The following RIMS4 variants were observed in gnomAD, a reference collection of about 807,000 sequenced individuals.
RIMS4 encodes regulating synaptic membrane exocytosis 4, also known as regulating synaptic membrane exocytosis protein 4.
A neutral mutation model predicts 29.0 loss-of-function variants in RIMS4; 9 were observed. The observed-to-expected ratio is 0.31, with a 90% CI of 0.19 to 0.54. RIMS4 has a LOEUF of 0.54. Ranked by LOEUF, RIMS4 falls within the 20% of genes least tolerant of loss-of-function variation. The pLI is 0.94. For synonymous variants in RIMS4, 130 were observed against 152.9 expected (o/e 0.85, Z 1.10); for missense variants, 193 against 365.7 (o/e 0.53, Z 3.85).
At chr20:44,759,696 CCTCT>C (rs1256129028) in intron 2 of RIMS4, among the ~76,000 whole-genome samples, 1 of 152,242 alleles carries the variant, frequency 6.6e-6, no homozygotes, top group Non-Finnish European at 1.5e-5. Flanking sequence ...CCAATCAAAA[CCTCT>C]CTCTGGGAAA....
chr20:44,765,700 G>A (rs886140745), intron 2 of RIMS4, among the ~76,000 whole-genome samples: 4 of 152,122 alleles, frequency 2.6e-5, no homozygotes, highest in African/African-American at 7.2e-5. Flanking sequence ...CCCTGAGCCC[G>A]GGTTCAGTGG....
intron 1 of RIMS4, among the ~76,000 whole-genome samples, chr20:44,772,060 A>G (rs1244200880): frequency 6.6e-6 from 1 of 152,148 alleles, no homozygotes; most frequent in East Asian, 1.9e-4. Context: ...AGTGGCTGGG[A>G]GACTTAAGGC....
At chr20:44,773,625 C>T (rs1448094195) in intron 1 of RIMS4, among the ~76,000 whole-genome samples, 1 of 152,142 alleles carries the variant, frequency 6.6e-6, no homozygotes, top group Non-Finnish European at 1.5e-5. Flanking sequence ...CCATCTCCAC[C>T]TACCTGGGTC....
intron 2 of RIMS4, among the ~76,000 whole-genome samples, chr20:44,766,900 G>C (rs2145450395): frequency 6.6e-6 from 1 of 152,338 alleles, no homozygotes; most frequent in East Asian, 1.9e-4. Context: ...ACCACAGGAA[G>C]AGCCAGAGTT....
At chr20:44,794,279 T>C (rs533036137) in intron 1 of RIMS4, among the ~76,000 whole-genome samples, 13 of 152,252 alleles carry the variant, frequency 8.5e-5, no homozygotes, top group African/African-American at 3.1e-4. Flanking sequence ...TCTCTCGCTT[T>C]CTTCCCCAGC....
chr20:44,804,099 G>A (rs2066288085), intron 1 of RIMS4, among the ~76,000 whole-genome samples: 1 of 152,174 alleles, frequency 6.6e-6, no homozygotes, highest in Non-Finnish European at 1.5e-5. Flanking sequence ...CCTATAACCT[G>A]AGAAAGTCAT....
At position 44,753,310 on chromosome 20, in the gene RIMS4, AC is replaced by A. The variant is rs1439250366; in HGVS notation, c.*2823del. 2.6e-5 allele frequency: 4 copies of A among 152,310 alleles called. No homozygotes were observed. Among genetic ancestry groups the A allele is most frequent in the Non-Finnish European group, 5.9e-5 (4 of 68,048 alleles). The allele number at this position is 152,310 out of a possible 1,614,324, so 9.4% of individuals were successfully genotyped here. A position where few individuals can be genotyped will look rare whatever the true frequency, so the allele number is the denominator to read the frequency against. On this transcript the variant is annotated 3_prime_UTR_variant, in exon 6 of 6. Transcript: ENST00000372851. The stretch of plus-strand genomic sequence containing the variant: ...GCTCAGCCTCTATTGGGAGGAGGGG[AC>A]CCAGGCTGGGGGTGCCACTGAACAC...
intron 1 of RIMS4, among the ~76,000 whole-genome samples, chr20:44,788,409 C>T (rs2066218115): frequency 6.6e-6 from 1 of 152,072 alleles, no homozygotes; most frequent in South Asian, 2.1e-4. Context: ...TCTTGACTGC[C>T]AATTTTAGTT....
rs1470253211 is a variant in RIMS4 at position 44,752,258 on chromosome 20, C to T, written c.*3876G>A. ...CCATAGGGGAACAGGGAGAGGGGCT[C>T]GGTCCCTGGGCCTGACACAGCACTG... On this transcript the variant is annotated 3_prime_UTR_variant, in exon 6 of 6. Transcript: ENST00000372851. 1 of 152,284 alleles carries T rather than the reference C, an allele frequency of 6.6e-6. No individual in the cohort carries two copies. Among genetic ancestry groups the T allele is most frequent in the Non-Finnish European group, 1.5e-5 (1 of 68,084 alleles). The allele number at this position is 152,284 out of a possible 1,614,324, so 9.4% of individuals were successfully genotyped here. A position where few individuals can be genotyped will look rare whatever the true frequency, so the allele number is the denominator to read the frequency against.
Position 44,756,410 on chromosome 20 carries a change from A to C in RIMS4, c.592-58T>G. 6.7e-7 allele frequency: 1 copy of C among 1,486,012 alleles called. No homozygotes were observed. Among genetic ancestry groups the C allele is most frequent in the South Asian group, 1.2e-5 (1 of 84,790 alleles). The allele number at this position is 1,486,012 out of a possible 1,614,324, so 92.1% of individuals were successfully genotyped here. A position where few individuals can be genotyped will look rare whatever the true frequency, so the allele number is the denominator to read the frequency against. ...TGCCAGTGCCACTCACAGGCCCAGA[A>C]GCAGAACCTGGGTCGCCCCATGCCC... On this transcript the variant is annotated intron_variant, in intron 5 of 5. Transcript: ENST00000372851. This position sits in a 1 kb window ranked among gnomAD's most constrained non-coding sequence, Gnocchi z 5.9.
In RIMS4 at chr20:44,810,163, C is replaced by G; in HGVS notation, c.97+12G>C. 1 of 1,566,234 alleles carries G rather than the reference C, an allele frequency of 6.4e-7. No individual in the cohort carries two copies. The highest frequency in any genetic ancestry group is 8.7e-7 in the Non-Finnish European group (1 of 1,149,696). On this transcript the variant is annotated intron_variant, in intron 1 of 5. Transcript: ENST00000372851. ...ACACCCCGGGGGTCTGGGGGGCGGG[C>G]CGCGCGCTTACCTGCGTCCTCGTCG...
intron 1 of RIMS4, among the ~76,000 whole-genome samples, chr20:44,797,648 G>A (rs2066260668): frequency 6.6e-6 from 1 of 152,140 alleles, no homozygotes. Flanking sequence ...CTTGTGTCAG[G>A]CTCTGTTCTG....
At chr20:44,760,636 C>T (rs146080924) in intron 2 of RIMS4, among the ~76,000 whole-genome samples, 289 of 152,298 alleles carry the variant, frequency 1.9e-3, no homozygotes, top group African/African-American at 5.2e-3. Flanking sequence ...CTACTGGACA[C>T]GAGCCCTCAC....
intron 2 of RIMS4, among the ~76,000 whole-genome samples, chr20:44,767,979 C>T (rs2066121034): frequency 6.6e-6 from 1 of 152,200 alleles, no homozygotes; most frequent in African/African-American, 2.4e-5. Context: ...AGCTCCCATG[C>T]CAGTGTTTCT....
chr20:44,782,285 G>A (rs904036472), intron 1 of RIMS4, among the ~76,000 whole-genome samples: 1 of 152,168 alleles, frequency 6.6e-6, no homozygotes, highest in Non-Finnish European at 1.5e-5. Flanking sequence ...TTATTTTTCT[G>A]AGATGGACTT....
chr20:44,766,839 C>T (rs2066115882), intron 2 of RIMS4, among the ~76,000 whole-genome samples: 1 of 152,150 alleles, frequency 6.6e-6, no homozygotes, highest in Admixed American at 6.5e-5. Context: ...ATGCCTTTGC[C>T]CAGGCTTCTC....
chr20:44,794,094 A>C (rs900920574), intron 1 of RIMS4, among the ~76,000 whole-genome samples: 4 of 152,328 alleles, frequency 2.6e-5, no homozygotes, highest in African/African-American at 9.6e-5. Context: ...GGAATGAGAC[A>C]GTACCCAATT....
Position 44,757,650 on chromosome 20 carries a change from G to C in RIMS4, c.451+20C>G. On this transcript the variant is annotated intron_variant, in intron 4 of 5. Transcript: ENST00000372851. ...CCCTGACCTCCACCCCCACCTTGCA[G>C]GGGAAGGTAGGCCCCAGACCTGGCA... 6.3e-7 allele frequency: 1 copy of C among 1,584,964 alleles called. No homozygotes were observed. Among genetic ancestry groups the C allele is most frequent in the Non-Finnish European group, 8.7e-7 (1 of 1,153,502 alleles).
chr20:44,789,965 G>C (rs1478314386), intron 1 of RIMS4, among the ~76,000 whole-genome samples: 1 of 152,230 alleles, frequency 6.6e-6, no homozygotes, highest in Non-Finnish European at 1.5e-5. Flanking sequence ...CCTGTTGCTA[G>C]AGGCACCCAA....
Sources: allele counts gnomAD v4.1 joint callset (sites outside exome capture counted in the v4.1 genomes callset), GRCh38; gene constraint gnomAD v4.1.1; non-coding constraint Gnocchi (gnomAD v3.1); transcripts MANE v1.5; gene names NCBI Gene and HGNC (gene_info 2026-07-23, HGNC 2026-07-21).